PCDHGA6: variants seen among roughly 807,000 people sequenced by gnomAD.
The protein encoded by PCDHGA6 is protocadherin gamma subfamily A, 6.
Under a neutral mutation model 60.6 loss-of-function variants are expected in PCDHGA6, and 41 were observed. That is an observed-to-expected ratio of 0.68 (90% CI 0.53 to 0.88). The LOEUF is 0.88. Among genes scored for constraint, PCDHGA6 ranks in the 40% least tolerant of loss-of-function variants. The pLI is 0.00. For synonymous variants in PCDHGA6, 594 were observed against 524.4 expected, an observed-to-expected ratio of 1.13 and a Z score of -1.81; for missense variants, 1,312 against 1,203.0, an observed-to-expected ratio of 1.09 and a Z score of -1.34.
chr5:141,433,643 C>A (rs899772934), intron 1 of PCDHGA6, among the ~76,000 whole-genome samples: 13 of 152,070 alleles, frequency 8.5e-5, no homozygotes, highest in African/African-American at 2.7e-4. Context: ...TGAGACCAGC[C>A]TGACCAACAT....
chr5:141,481,658 T>C (rs910422064), intron 1 of PCDHGA6, among the ~76,000 whole-genome samples: 2 of 150,554 alleles, frequency 1.3e-5, no homozygotes, highest in East Asian at 2.0e-4. Context: ...TCTCTACTAA[T>C]AATACAAAAA....
rs572892456 is a variant in PCDHGA6, at chr5:141,427,959, C to T, written c.2424+51452C>T. On this transcript the variant is annotated intron_variant, in intron 1 of 3. Coordinates refer to ENST00000517434, the MANE Select transcript of PCDHGA6 (RefSeq NM_018919.3). Reference sequence around the variant, plus strand: ...GGGCGACCTCAATGACAATGTGCCGCGGGTGCTGTACCCCGCGCTGGGGCC... The same window carrying T: ...GGGCGACCTCAATGACAATGTGCCGTGGGTGCTGTACCCCGCGCTGGGGCC... 3.8e-6 allele frequency: 6 copies of T among 1,588,886 alleles called. No individual in the cohort carries two copies. The East Asian group carries it at 1.1e-4, about 30-fold the overall frequency.
Position 141,489,454 on chromosome 5 carries a change from G to C in PCDHGA6, c.2425-5353G>C, listed in dbSNP as rs1177748773. 1 of 1,613,940 alleles carries C rather than the reference G, an allele frequency of 6.2e-7. No homozygotes were observed. The highest frequency in any genetic ancestry group is 1.3e-5 in the African/African-American group (1 of 74,906). On this transcript the variant is annotated intron_variant, in intron 1 of 3. Transcript: ENST00000517434. This position sits in a 1 kb window ranked among gnomAD's most constrained non-coding sequence, Gnocchi z 4.5. ...GCTGCAATTGGGCTCTGAGGAGAAT[G>C]GGCGCTATTTTTCCCTGAGCTTGAT...
intron 1 of PCDHGA6, chr5:141,391,966 T>A (rs1389260854): frequency 1.3e-5 from 2 of 152,162 alleles, no homozygotes; most frequent in African/African-American, 2.4e-5. Context: ...ACAATGTAAA[T>A]AAAATAGCAA....
chr5:141,506,516 G>A (rs2099854579), intron 3 of PCDHGA6, among the ~76,000 whole-genome samples: 1 of 151,324 alleles, frequency 6.6e-6, no homozygotes, highest in Non-Finnish European at 1.5e-5. Flanking sequence ...CTGGCACCTG[G>A]CACCACCACT....
intron 1 of PCDHGA6, chr5:141,412,932 T>A: frequency 2.2e-6 from 1 of 453,328 alleles, no homozygotes; most frequent in Non-Finnish European, 3.9e-6. Flanking sequence ...AGTAACTTCT[T>A]AGGACTCTGA....
intron 1 of PCDHGA6, chr5:141,385,640 A>G (rs917789862): frequency 1.2e-6 from 1 of 803,664 alleles, no homozygotes; most frequent in South Asian, 4.4e-5. Context: ...CGAGTCTTTC[A>G]TATTGCACAA....
chr5:141,420,960 T>C, intron 1 of PCDHGA6: 1 of 425,378 alleles, frequency 2.4e-6, no homozygotes, highest in East Asian at 3.9e-5. Context: ...TCTTAGTCGT[T>C]GCAATAATAA....
At chr5:141,483,082 C>T (rs2099576709) in intron 1 of PCDHGA6, among the ~76,000 whole-genome samples, 1 of 151,662 alleles carries the variant, frequency 6.6e-6, no homozygotes, top group African/African-American at 2.4e-5. Flanking sequence ...GAGACTCCAT[C>T]TCAAAAAAAA....
Position 141,399,184 on chromosome 5 carries a change from C to T in PCDHGA6, c.2424+22677C>T, listed in dbSNP as rs1398440525. The T allele has an allele frequency of 1.9e-6, 3 of 1,613,746 alleles. No individual in the cohort carries two copies. In the African/African-American group the frequency reaches 4.0e-5, roughly 22 times the overall value. On this transcript the variant is annotated intron_variant, in intron 1 of 3. Coordinates refer to ENST00000517434, the MANE Select transcript of PCDHGA6 (RefSeq NM_018919.3). The stretch of plus-strand genomic sequence containing the variant: ...ATTCCATTCTCTACTTGAAATGATT[C>T]TGGAAAACGCGGTGCCTGGAACACT...
Position 141,487,203 on chromosome 5 carries a change from G to A in PCDHGA6, c.2425-7604G>A, listed in dbSNP as rs765707343. 6.8e-6 allele frequency: 11 copies of A among 1,613,804 alleles called. No homozygotes were observed. The highest frequency in any genetic ancestry group is 5.3e-5 in the African/African-American group (4 of 74,890). The stretch of plus-strand genomic sequence containing the variant: ...ACTCATCCAGTTGTCCCAGATCTTC[G>A]AGAATCTTCAGCTCCAAGGGAAGGA... On this transcript the variant is annotated intron_variant, in intron 1 of 3. Transcript: ENST00000517434. This position sits in a 1 kb window ranked among gnomAD's most constrained non-coding sequence, Gnocchi z 5.0.
intron 1 of PCDHGA6, among the ~76,000 whole-genome samples, chr5:141,472,869 C>T (rs919331906): frequency 6.6e-6 from 1 of 151,388 alleles, no homozygotes; most frequent in Non-Finnish European, 1.5e-5. Context: ...GCCTGTATTC[C>T]CAGCTACTCG....
At chr5:141,496,479 CAACCAACCA>C (rs1199646129) in intron 2 of PCDHGA6, among the ~76,000 whole-genome samples, 1 of 152,180 alleles carries the variant, frequency 6.6e-6, no homozygotes, top group Non-Finnish European at 1.5e-5. Context: ...CCCCATCCTG[CAACCAACCA>C]AACCCTTGTT....
chr5:141,393,381 A>G, intron 1 of PCDHGA6: 3 of 1,614,022 alleles, frequency 1.9e-6, no homozygotes, highest in South Asian at 1.1e-5. Flanking sequence ...CAATGGAGCC[A>G]TAAACCCAGA....
chr5:141,422,869 T>A, intron 1 of PCDHGA6: 2 of 1,614,202 alleles, frequency 1.2e-6, no homozygotes, highest in Non-Finnish European at 1.7e-6. Context: ...CAGCAACGTG[T>A]CGCTGAGCCT....
chr5:141,421,695 T>C (rs374319762), intron 1 of PCDHGA6: 15 of 1,613,840 alleles, frequency 9.3e-6, no homozygotes, highest in Non-Finnish European at 1.2e-5. Context: ...TTGCTCTTCC[T>C]AATGCTAGGG....
chr5:141,476,346 T>G lies in PCDHGA6; in HGVS notation c.2425-18461T>G, dbSNP rs1239836597. On this transcript the variant is annotated intron_variant, in intron 1 of 3. Coordinates refer to ENST00000517434, the MANE Select transcript of PCDHGA6 (RefSeq NM_018919.3). The surrounding 1 kb of genome is among the most constrained non-coding windows in gnomAD (Gnocchi z 7.6). The stretch of plus-strand genomic sequence containing the variant: ...GTGTCTGGAGCTAGCCGAAGATTCT[T>G]TGAGGTGAACCGGGAGACCGGAGAG... 2.5e-6 allele frequency: 4 copies of G among 1,613,932 alleles called. No individual in the cohort carries two copies. Among genetic ancestry groups the G allele is most frequent in the Non-Finnish European group, 3.4e-6 (4 of 1,180,022 alleles).
At chr5:141,423,558 G>A (rs770532900) in intron 1 of PCDHGA6, 1 of 1,613,462 alleles carries the variant, frequency 6.2e-7, no homozygotes, top group African/African-American at 1.3e-5. Flanking sequence ...CCAACTATGG[G>A]GACACGCTCA....
intron 1 of PCDHGA6, chr5:141,394,909 C>A (rs1349151273): frequency 1.9e-6 from 3 of 1,613,418 alleles, no homozygotes; most frequent in East Asian, 4.5e-5. Context: ...GCAGTGGCTG[C>A]CATCTCCTGT....
Sources: allele counts gnomAD v4.1 joint callset (sites outside exome capture counted in the v4.1 genomes callset), GRCh38; gene constraint gnomAD v4.1.1; non-coding constraint Gnocchi (gnomAD v3.1); transcripts MANE v1.5; gene names NCBI Gene and HGNC (gene_info 2026-07-23, HGNC 2026-07-21).